The following FAM13A variants were observed in gnomAD, a reference collection of about 807,000 sequenced individuals.
FAM13A encodes the protein protein FAM13A.
In FAM13A, 76 loss-of-function variants were observed where a neutral mutation model predicts 129.6. The ratio of observed to expected loss-of-function variants is 0.59; its 90% CI spans 0.49 to 0.71. The LOEUF (loss-of-function observed/expected upper bound fraction) is 0.71, where lower values mean the gene tolerates loss of function less well. Ranked by LOEUF, FAM13A falls within the 30% of genes least tolerant of loss-of-function variation. The probability of loss-of-function intolerance (pLI) is 0.00; values close to 1 mark genes in which losing one functional copy is unlikely to be tolerated. For missense variants in FAM13A, 1,108 were observed against 1,249.3 expected (o/e 0.89, Z 1.70); for synonymous variants, 443 against 449.9 (o/e 0.98, Z 0.20).
intron 14 of FAM13A, among the ~76,000 whole-genome samples, chr4:88,755,296 G>C (rs1276061942): frequency 6.6e-6 from 1 of 152,174 alleles, no homozygotes; most frequent in African/African-American, 2.4e-5. Context: ...AATATTTATG[G>C]AAGATAAAAC....
At chr4:88,788,010 T>G (rs1235898642) in intron 9 of FAM13A, 78 bp from the exon 10 acceptor site, 1 of 1,158,414 alleles carries the variant, frequency 8.6e-7, no homozygotes, top group African/African-American at 1.6e-5. Flanking sequence ...GCCTACAGTT[T>G]TGGGAACATC....
At chr4:89,002,411 C>T (rs186757746) in intron 3 of FAM13A, among the ~76,000 whole-genome samples, 88 of 152,108 alleles carry the variant, frequency 5.8e-4, no homozygotes, top group Non-Finnish European at 9.1e-4. Flanking sequence ...AGGACTAGCA[C>T]GAGAAACACA....
At chr4:88,746,590 G>A (rs1741387866) in intron 19 of FAM13A, among the ~76,000 whole-genome samples, 4 of 152,158 alleles carry the variant, frequency 2.6e-5, no homozygotes, top group Non-Finnish European at 1.5e-5. Context: ...GGACAGGGAA[G>A]TCTCCAAACT....
intron 22 of FAM13A, chr4:88,731,791 T>C (rs1269388844): frequency 1.9e-6 from 1 of 531,812 alleles, no homozygotes; most frequent in Admixed American, 3.5e-5. Flanking sequence ...AACTTCTGGT[T>C]GTTTAAACAA....
intron 6 of FAM13A, among the ~76,000 whole-genome samples, chr4:88,874,407 A>G (rs988051171): frequency 3.3e-5 from 5 of 152,240 alleles, no homozygotes; most frequent in Non-Finnish European, 5.9e-5. Flanking sequence ...TCTCAGCCCA[A>G]AATCTCCTTA....
chr4:88,818,150 A>AT (rs60085761), intron 7 of FAM13A, among the ~76,000 whole-genome samples: 33 of 149,692 alleles, frequency 2.2e-4, no homozygotes, highest in Admixed American at 4.0e-4. Context: ...CGCCCAGATA[A>AT]TTTTTTTTTT....
intron 5 of FAM13A, among the ~76,000 whole-genome samples, chr4:88,909,848 T>C (rs558845126): frequency 3.1e-4 from 47 of 152,308 alleles, no homozygotes; most frequent in African/African-American, 9.6e-4. Flanking sequence ...TTGCACAGTT[T>C]TGTGAACACA....
intron 3 of FAM13A, among the ~76,000 whole-genome samples, chr4:88,999,116 C>T (rs1763920774): frequency 2.0e-5 from 3 of 152,052 alleles, no homozygotes; most frequent in African/African-American, 7.2e-5. Context: ...CCAGAGAGAA[C>T]CTGTATGTCC....
At chr4:88,794,528 T>C (rs1472249966) in intron 8 of FAM13A, among the ~76,000 whole-genome samples, 1 of 151,924 alleles carries the variant, frequency 6.6e-6, no homozygotes, top group Non-Finnish European at 1.5e-5. Context: ...TAAAAAAGCA[T>C]ACATTTAAAA....
chr4:88,988,892 G>A lies in FAM13A; in HGVS notation c.605+2081C>T, dbSNP rs187609882. ...GACAGTAACATTTAAAAATTTGAAT[G>A]AATTATTGTATAACGTTGTACCACA... On this transcript the variant is annotated intron_variant, in intron 4 of 23. Transcript: ENST00000264344. 3.7e-3 allele frequency among the ~76,000 whole-genome samples: 565 copies of A among 152,236 alleles called. 7 individuals are homozygous for A. The highest frequency in any genetic ancestry group is 2.4e-3 in the Non-Finnish European group (166 of 68,020).
chr4:88,911,764 C>T (rs1252264040), intron 5 of FAM13A, among the ~76,000 whole-genome samples: 1 of 152,212 alleles, frequency 6.6e-6, no homozygotes. Context: ...CAAGCATGCT[C>T]TGCAGTCATA....
intron 6 of FAM13A, among the ~76,000 whole-genome samples, chr4:88,875,484 T>C (rs1579068297): frequency 6.6e-6 from 1 of 152,128 alleles, no homozygotes; most frequent in Admixed American, 6.6e-5. Flanking sequence ...GGGCAAAGGT[T>C]ATAACAGACA....
chr4:88,749,753 G>A lies in FAM13A; in HGVS notation c.2079+18C>T. 1 of 1,613,436 alleles carries A rather than the reference G, an allele frequency of 6.2e-7. No individual in the cohort carries two copies. The highest frequency in any genetic ancestry group is 8.5e-7 in the Non-Finnish European group (1 of 1,179,526). ...GGGAGAGGATGAGGCGAAAAGAACA[G>A]TGTGAGGGGACACTTACTCTGTACT... On this transcript the variant is annotated intron_variant, in intron 16 of 23. Transcript: ENST00000264344.
chr4:89,051,426 G>C (rs1344456294), intron 1 of FAM13A, among the ~76,000 whole-genome samples: 1 of 152,112 alleles, frequency 6.6e-6, no homozygotes, highest in African/African-American at 2.4e-5. Context: ...TTGGAGAATA[G>C]GTTTCAACAT....
intron 5 of FAM13A, among the ~76,000 whole-genome samples, chr4:88,917,543 C>T (rs966641007): frequency 6.6e-6 from 1 of 152,142 alleles, no homozygotes; most frequent in Non-Finnish European, 1.5e-5. Flanking sequence ...TGCCCATCAT[C>T]AAATTTAAAT....
At chr4:89,022,395 C>T (rs1040401448) in intron 2 of FAM13A, among the ~76,000 whole-genome samples, 2 of 152,088 alleles carry the variant, frequency 1.3e-5, no homozygotes, top group African/African-American at 2.4e-5. Flanking sequence ...TGTTCTTCCA[C>T]ATATACATAT....
At chr4:88,873,237 A>T (rs551281696) in intron 6 of FAM13A, among the ~76,000 whole-genome samples, 1 of 152,336 alleles carries the variant, frequency 6.6e-6, no homozygotes, top group East Asian at 1.9e-4. Context: ...GAACTAGAGA[A>T]GCAAGAGCAA....
chr4:88,968,304 A>C (rs1010014394), intron 4 of FAM13A, among the ~76,000 whole-genome samples: 1 of 152,218 alleles, frequency 6.6e-6, no homozygotes, highest in Non-Finnish European at 1.5e-5. Flanking sequence ...CACACCTTCT[A>C]AAGTTTCAAC....
At chr4:89,015,673 A>C (rs1766386939) in intron 3 of FAM13A, among the ~76,000 whole-genome samples, 1 of 152,176 alleles carries the variant, frequency 6.6e-6, no homozygotes, top group Non-Finnish European at 1.5e-5. Flanking sequence ...TATACTATAC[A>C]TTTTATTATT....
Sources: allele counts gnomAD v4.1 joint callset (sites outside exome capture counted in the v4.1 genomes callset), GRCh38; gene constraint gnomAD v4.1.1; transcripts MANE v1.5; gene names NCBI Gene and HGNC (gene_info 2026-07-23, HGNC 2026-07-21).